The following FBXO34 variants were observed in gnomAD, a reference collection of about 807,000 sequenced individuals.
FBXO34 encodes F-box only protein 34.
A neutral mutation model predicts 24.5 loss-of-function variants in FBXO34; 12 were observed. The observed-to-expected ratio is 0.49, with a 90% CI of 0.31 to 0.79. The LOEUF is 0.79. FBXO34 is among the 30% of genes least tolerant of loss of function. FBXO34 has a pLI of 0.04. For missense variants in FBXO34, 823 were observed against 857.7 expected (o/e 0.96, Z 0.51); for synonymous variants, 320 against 311.9 (o/e 1.03, Z -0.27).
chr14:55,317,167 G>GCT (rs918308574), intron 1 of FBXO34, among the ~76,000 whole-genome samples: 1 of 152,118 alleles, frequency 6.6e-6, no homozygotes, highest in African/African-American at 2.4e-5. Context: ...GGTAGAGTGG[G>GCT]CTCGGGTCAG....
At chr14:55,274,428 C>T (rs182853104) in intron 1 of FBXO34, among the ~76,000 whole-genome samples, 6 of 152,310 alleles carry the variant, frequency 3.9e-5, no homozygotes, top group Non-Finnish European at 5.9e-5. Flanking sequence ...CTTTTTCACC[C>T]ATGCTTTCCA....
chr14:55,352,379 G>GTA lies in FBXO34; in HGVS notation c.1991_1992dup (p.Trp665IlefsTer61). ...GCCAGGCATTGCCCTATGGGCCAGG[G>GTA]TATTGGATGTGCTGCCACCGGTCTC... On this transcript the variant is annotated frameshift_variant, in exon 2 of 2. Coordinates refer to ENST00000313833, the MANE Select transcript of FBXO34 (RefSeq NM_017943.4). LOFTEE classifies it high-confidence loss of function. The GTA allele has an allele frequency of 6.2e-7, 1 of 1,614,224 alleles. No individual in the cohort carries two copies. Among genetic ancestry groups the GTA allele is most frequent in the East Asian group, 2.2e-5 (1 of 44,880 alleles).
the FBXO34 span, among the ~76,000 whole-genome samples, chr14:55,410,000 A>G: frequency 8.2e-4 from 124 of 152,014 alleles, no homozygotes; most frequent in Non-Finnish European, 1.1e-3. Context: ...TTGTTGTAAG[A>G]TAAGTTTTGA....
the FBXO34 span, among the ~76,000 whole-genome samples, chr14:55,428,351 G>T: frequency 6.6e-6 from 1 of 151,758 alleles, no homozygotes; most frequent in Non-Finnish European, 1.5e-5. Context: ...GGATGGTCTC[G>T]ATCTCCTGAC....
At chr14:55,292,198 G>C (rs1177664370) in intron 1 of FBXO34, among the ~76,000 whole-genome samples, 4 of 151,992 alleles carry the variant, frequency 2.6e-5, no homozygotes, top group African/African-American at 4.8e-5. Context: ...AATGGGTTCA[G>C]ATACATTACA....
At chr14:55,391,201 T>C in the FBXO34 span, 3 of 429,746 alleles carry the variant, frequency 7.0e-6, no homozygotes, top group Non-Finnish European at 1.2e-5. Flanking sequence ...ATTAGGCCAG[T>C]GCGGTGGCTC....
At chr14:55,301,612 A>G (rs1882359444) in intron 1 of FBXO34, among the ~76,000 whole-genome samples, 1 of 152,194 alleles carries the variant, frequency 6.6e-6, no homozygotes, top group African/African-American at 2.4e-5. Flanking sequence ...GAAAGTATCT[A>G]GGGAGGAGAC....
the FBXO34 span, among the ~76,000 whole-genome samples, chr14:55,416,095 T>A: frequency 6.6e-6 from 1 of 151,552 alleles, no homozygotes; most frequent in Non-Finnish European, 1.5e-5. Flanking sequence ...GAGAGGGGAA[T>A]GGGGGGAATG....
the FBXO34 span, among the ~76,000 whole-genome samples, chr14:55,388,680 C>T: frequency 6.6e-6 from 1 of 152,218 alleles, no homozygotes; most frequent in East Asian, 1.9e-4. Flanking sequence ...GACTACATGT[C>T]ATAATTCAAC....
chr14:55,364,686 C>T (rs113574796), downstream of FBXO34, among the ~76,000 whole-genome samples: 783 of 151,378 alleles, frequency 5.2e-3, 10 homozygotes, highest in African/African-American at 0.017. Flanking sequence ...GTCTCTGCTT[C>T]CCAAAGTGCT....
rs1300608182 is a variant in FBXO34, at chr14:55,350,579, G to T, written c.189G>T (p.Gly63=). 6 of 1,612,450 alleles carry T rather than the reference G, an allele frequency of 3.7e-6. No homozygotes were observed. Among genetic ancestry groups the T allele is most frequent in the Non-Finnish European group, 5.1e-6 (6 of 1,179,594 alleles). ...LGKASSRKPF[G]ILSPNVLCSM... is the part of the protein sequence containing the mutation. ...AAGCATCATCTCGAAAGCCATTTGGGATCCTTTCTCCAAATGTTCTGTGCA... is the reference window on the plus strand; with the variant it reads ...AAGCATCATCTCGAAAGCCATTTGGTATCCTTTCTCCAAATGTTCTGTGCA... The change falls in exon 2 of 2, where the codon GGG becomes GGT. Residue 63 remains glycine (G), a synonymous_variant. Transcript: ENST00000313833.
At chr14:55,355,433 C>CATCT, downstream of FBXO34, among the ~76,000 whole-genome samples, 1 of 152,142 alleles carries the variant, frequency 6.6e-6, no homozygotes, top group Non-Finnish European at 1.5e-5. Context: ...TGTCTGTCAC[C>CATCT]GTATCTTTGG....
At chr14:55,408,718 C>T in the FBXO34 span, among the ~76,000 whole-genome samples, 2 of 152,150 alleles carry the variant, frequency 1.3e-5, no homozygotes, top group Non-Finnish European at 2.9e-5. Flanking sequence ...CTGCCGCATG[C>T]CATGATTGTG....
At chr14:55,280,527 C>CTT (rs77678519) in intron 1 of FBXO34, among the ~76,000 whole-genome samples, 6 of 125,890 alleles carry the variant, frequency 4.8e-5, no homozygotes, top group Admixed American at 8.3e-5. Flanking sequence ...ATATCAGGAA[C>CTT]TTTTTTTTTT....
the FBXO34 span, among the ~76,000 whole-genome samples, chr14:55,377,116 G>T: frequency 6.6e-6 from 1 of 152,202 alleles, no homozygotes; most frequent in Non-Finnish European, 1.5e-5. Context: ...GGAAGCCGAA[G>T]CGGGTGGATC....
At chr14:55,364,369 C>T (rs536034578), downstream of FBXO34, among the ~76,000 whole-genome samples, 1 of 152,308 alleles carries the variant, frequency 6.6e-6, no homozygotes, top group Non-Finnish European at 1.5e-5. Context: ...ATGTAAATAA[C>T]TCTTTAGTTT....
intron 1 of FBXO34, among the ~76,000 whole-genome samples, chr14:55,321,365 A>G (rs1883128699): frequency 6.6e-6 from 1 of 152,098 alleles, no homozygotes; most frequent in Non-Finnish European, 1.5e-5. Flanking sequence ...ATTGTTGCCC[A>G]AAGTAGTTAC....
the FBXO34 span, among the ~76,000 whole-genome samples, chr14:55,393,222 A>T: frequency 6.6e-6 from 1 of 152,060 alleles, no homozygotes; most frequent in Non-Finnish European, 1.5e-5. Context: ...TCTACTAAAA[A>T]AACACAAAAA....
At chr14:55,358,771 A>C (rs1209489014) in intron 3 of FBXO34, among the ~76,000 whole-genome samples, 1 of 152,158 alleles carries the variant, frequency 6.6e-6, no homozygotes, top group Admixed American at 6.5e-5. Flanking sequence ...ATTAGAATCA[A>C]CTGTGGAGCT....
Sources: allele counts gnomAD v4.1 joint callset (sites outside exome capture counted in the v4.1 genomes callset), GRCh38; gene constraint gnomAD v4.1.1; transcripts MANE v1.5; gene names NCBI Gene and HGNC (gene_info 2026-07-23, HGNC 2026-07-21).